IL6R: variants seen among roughly 807,000 people sequenced by gnomAD.
The protein encoded by IL6R is interleukin 6 receptor.
In IL6R, 38 loss-of-function variants were observed where a neutral mutation model predicts 48.3. That is an observed-to-expected ratio of 0.79 (90% CI 0.61 to 1.03). The LOEUF (loss-of-function observed/expected upper bound fraction) is 1.03. Among genes scored for constraint, IL6R ranks in the 50% least tolerant of loss-of-function variants. IL6R has a pLI of 0.00. For synonymous variants in IL6R, 264 were observed against 256.2 expected, an observed-to-expected ratio of 1.03 and a Z score of -0.29; for missense variants, 534 against 618.3, an observed-to-expected ratio of 0.86 and a Z score of 1.45.
At chr1:154,423,281 A>ATATATATATATATATATATG (rs1688789339) in intron 1 of IL6R, among the ~76,000 whole-genome samples, 2 of 141,878 alleles carry the variant, frequency 1.4e-5, no homozygotes, top group Non-Finnish European at 3.1e-5. Context: ...ATATATATAT[A>ATATATATATATATATATATG]TATGTATTCA....
At chr1:154,429,138 A>C (rs1689144236) in intron 1 of IL6R, 58 bp from the exon 2 acceptor site, 50 of 1,568,744 alleles carry the variant, frequency 3.2e-5, no homozygotes, top group South Asian at 8.2e-5. Context: ...CTCAGACCAG[A>C]ACGAAGCCCC....
intron 6 of IL6R, among the ~76,000 whole-genome samples, chr1:154,443,886 ACATATCACACCCCT>A (rs1196123021): frequency 6.6e-6 from 1 of 152,050 alleles, no homozygotes; most frequent in Non-Finnish European, 1.5e-5. Flanking sequence ...CCCAAACCAA[ACATATCACACCCCT>A]CACAGATCTC....
intron 6 of IL6R, among the ~76,000 whole-genome samples, chr1:154,439,911 T>A (rs2149250720): frequency 6.6e-6 from 1 of 152,058 alleles, no homozygotes; most frequent in African/African-American, 2.4e-5. Context: ...TTTTCTCTTT[T>A]TTTTTGAGAC....
chr1:154,415,916 G>A (rs1688317550), intron 1 of IL6R, among the ~76,000 whole-genome samples: 1 of 152,024 alleles, frequency 6.6e-6, no homozygotes, highest in East Asian at 1.9e-4. Flanking sequence ...AGTGAGCCAC[G>A]ATTGTGCCAC....
Position 154,429,363 on chromosome 1 carries a change from T to C in IL6R, c.253T>C (p.Ser85Pro). ...AGMGRRLLLRSVQLHDSGNYS... is the reference protein window; with the variant it reads ...AGMGRRLLLRPVQLHDSGNYS... Reference sequence around the variant, plus strand: ...CATGGGAAGGAGGCTGCTGCTGAGGTCGGTGCAGCTCCACGACTCTGGAAA... The same window carrying C: ...CATGGGAAGGAGGCTGCTGCTGAGGCCGGTGCAGCTCCACGACTCTGGAAA... The change falls in exon 2 of 10, where the codon TCG (serine) becomes CCG (proline). Residue 85 changes from serine to proline, a missense_variant. By Grantham distance (74) the Ser-to-Pro change is moderately conservative (BLOSUM62 -1). Coordinates refer to ENST00000368485, the MANE Select transcript of IL6R (RefSeq NM_000565.4). 2 of 1,613,938 alleles carry C rather than the reference T, an allele frequency of 1.2e-6. No individual in the cohort carries two copies. Among genetic ancestry groups the C allele is most frequent in the Non-Finnish European group, 1.7e-6 (2 of 1,179,980 alleles).
intron 9 of IL6R, among the ~76,000 whole-genome samples, chr1:154,458,606 G>A (rs1691056829): frequency 6.6e-6 from 1 of 152,030 alleles, no homozygotes; most frequent in African/African-American, 2.4e-5. Context: ...TGCGATAACA[G>A]CTAGTAAGAA....
At position 154,405,525 on chromosome 1, in the gene IL6R, G is replaced by GC; in HGVS notation, c.-103dup. ...GGGGCTGCCCCCGGGGCCTGAGCCC[G>GC]CCTGCCCGCCCACCGCCCCGCCCCG... On this transcript the variant is annotated 5_prime_UTR_variant, in exon 1 of 10. Coordinates refer to ENST00000368485, the MANE Select transcript of IL6R (RefSeq NM_000565.4). This position sits in a 1 kb window ranked among gnomAD's most constrained non-coding sequence, Gnocchi z 5.2. The GC allele has an allele frequency of 1.3e-5, 6 of 445,538 alleles. No homozygotes were observed. Among genetic ancestry groups the GC allele is most frequent in the South Asian group, 2.3e-5 (1 of 44,090 alleles). 27.6% of individuals were successfully genotyped at this position (445,538 alleles called of 1,614,324 possible).
At chr1:154,411,421 G>T (rs1442514739) in intron 1 of IL6R, among the ~76,000 whole-genome samples, 1 of 152,170 alleles carries the variant, frequency 6.6e-6, no homozygotes, top group Non-Finnish European at 1.5e-5. Context: ...AGGAATTTGG[G>T]AATGAGGACT....
intron 6 of IL6R, among the ~76,000 whole-genome samples, chr1:154,443,004 C>T (rs1347525809): frequency 6.6e-6 from 1 of 152,174 alleles, no homozygotes; most frequent in Non-Finnish European, 1.5e-5. Flanking sequence ...CCTCCTGCCT[C>T]AGCCTCCCAA....
At chr1:154,456,434 T>A (rs1319339068) in intron 9 of IL6R, among the ~76,000 whole-genome samples, 6 of 152,130 alleles carry the variant, frequency 3.9e-5, no homozygotes, top group African/African-American at 1.4e-4. Flanking sequence ...CTTGATCTCC[T>A]GACCTCAGAT....
chr1:154,410,545 C>G (rs960652485), intron 1 of IL6R, among the ~76,000 whole-genome samples: 1 of 152,180 alleles, frequency 6.6e-6, no homozygotes, highest in Non-Finnish European at 1.5e-5. Flanking sequence ...GCCTTTGTGT[C>G]CAGCTGGGAG....
At position 154,447,476 on chromosome 1, in the gene IL6R, TAC is replaced by T. The variant is rs1230551409; in HGVS notation, c.950-623_950-622del. On this transcript the variant is annotated intron_variant, in intron 6 of 9. Transcript: ENST00000368485. ...AAAAATATATATATATATATATATA[TAC>T]ACACACACACACACACACACACACA... is the stretch of plus-strand genomic sequence containing the variant. Among the ~76,000 whole-genome samples, 317 of 68,804 alleles carry T rather than the reference TAC, an allele frequency of 4.6e-3. 22 individuals are homozygous for T. Among genetic ancestry groups the T allele is most frequent in the African/African-American group, 0.011 (192 of 17,978 alleles). 45.1% of individuals were successfully genotyped at this position (68,804 alleles called of 152,430 possible).
In IL6R at chr1:154,413,939, G is replaced by T. The variant is rs185089901; in HGVS notation, c.85+8225G>T. ...AGCCTCAATTTCCTGGGACTCAAGC[G>T]ATCCTCCTGTCTCAGACTTCTGAGT... On this transcript the variant is annotated intron_variant, in intron 1 of 9. Transcript: ENST00000368485. Among the ~76,000 whole-genome samples the T allele has an allele frequency of 2.6e-5, 4 of 151,812 alleles. No homozygotes were observed. In the East Asian group the frequency reaches 7.7e-4, roughly 29 times the overall value.
intron 1 of IL6R, among the ~76,000 whole-genome samples, chr1:154,412,048 C>T (rs1236856866): frequency 7.0e-6 from 1 of 142,486 alleles, no homozygotes; most frequent in African/African-American, 2.6e-5. Flanking sequence ...CCCAGGTTCA[C>T]GCAGTTCTCC....
Position 154,458,030 on chromosome 1 carries a change from G to C in IL6R, c.1160+3449G>C, listed in dbSNP as rs1185579163. Reference sequence around the variant, plus strand: ...CGCCCAGGCTGGAGTGCAGTGGCGCGATCTTGGCTCACTGCAACCTCCGCC... The same window carrying C: ...CGCCCAGGCTGGAGTGCAGTGGCGCCATCTTGGCTCACTGCAACCTCCGCC... On this transcript the variant is annotated intron_variant, in intron 9 of 9. Transcript: ENST00000368485. Among the ~76,000 whole-genome samples, 5 of 147,686 alleles carry C rather than the reference G, an allele frequency of 3.4e-5. No homozygotes were observed. In the Admixed American group the frequency reaches 3.4e-4, roughly 10 times the overall value.
chr1:154,418,785 C>T (rs780634615), intron 1 of IL6R, among the ~76,000 whole-genome samples: 1 of 152,220 alleles, frequency 6.6e-6, no homozygotes, highest in Middle Eastern at 3.4e-3. Context: ...ATACACGCTG[C>T]GGCTGTGGGG....
chr1:154,430,333 CTGAG>C, intron 2 of IL6R, 146 bp from the exon 3 acceptor site: 1 of 880,006 alleles, frequency 1.1e-6, no homozygotes, highest in Admixed American at 3.0e-5. Context: ...TCATGTGTGG[CTGAG>C]TGTGGCCAGG....
rs769292401 is a variant in IL6R at position 154,454,470 on chromosome 1, A to T, written c.1067-18A>T. 1.4e-5 allele frequency: 19 copies of T among 1,345,976 alleles called. No homozygotes were observed. Among genetic ancestry groups the T allele is most frequent in the Admixed American group, 3.8e-5 (2 of 53,006 alleles). The allele number at this position is 1,345,976 out of a possible 1,614,324, so 83.4% of individuals were successfully genotyped here. On this transcript the variant is annotated intron_variant, in intron 8 of 9. Coordinates refer to ENST00000368485, the MANE Select transcript of IL6R (RefSeq NM_000565.4). ...TTCTCCTCTTCCTCCTCTATCTTCA[A>T]TTTTTTTTTTAACCTAGTGCAAGAT... is the stretch of plus-strand genomic sequence containing the variant.
chr1:154,450,104 CTGTGTGTGTGTGTG>C lies in IL6R; in HGVS notation c.1066+150_1066+163del, dbSNP rs71586016. 3.7e-5 allele frequency: 18 copies of C among 480,940 alleles called. 1 individual carries two copies. The highest frequency in any genetic ancestry group is 2.0e-4 in the Admixed American group (7 of 35,074). 29.8% of individuals were successfully genotyped at this position (480,940 alleles called of 1,614,324 possible). A position where few individuals can be genotyped will look rare whatever the true frequency, so the allele number is the denominator to read the frequency against. On this transcript the variant is annotated intron_variant, in intron 8 of 9. Transcript: ENST00000368485. ...ATCACAGATCAATCGCAGAAATGTT[CTGTGTGTGTGTGTG>C]TGTGTGTGTGTGTGTGTGTGTGTGT...
Sources: gnomAD v4.1 joint callset for allele counts (sites outside exome capture counted in the v4.1 genomes callset) on GRCh38, gnomAD v4.1.1 for gene constraint, Gnocchi (gnomAD v3.1) non-coding constraint, MANE v1.5 for transcripts, NCBI Gene and HGNC (gene_info 2026-07-23, HGNC 2026-07-21) for gene names.